Variants in KIAA1217 observed in about 807,000 individuals in gnomAD.
KIAA1217 encodes the protein KIAA1217.
A neutral mutation model predicts 163.9 loss-of-function variants in KIAA1217; 88 were observed. The ratio of observed to expected loss-of-function variants is 0.54; its 90% CI spans 0.45 to 0.64. The LOEUF is 0.64. KIAA1217 is among the 30% of genes least tolerant of loss of function. The pLI is 0.00. For synonymous variants in KIAA1217, 903 were observed against 923.1 expected, an observed-to-expected ratio of 0.98 and a Z score of 0.39; for missense variants, 2,372 against 2,475.0, an observed-to-expected ratio of 0.96 and a Z score of 0.88.
At chr10:23,740,087 A>G (rs118149031) in intron 1 of KIAA1217, among the ~76,000 whole-genome samples, 4,001 of 152,178 alleles carry the variant, frequency 0.026, 87 homozygotes, top group Admixed American at 0.075. Context: ...TGGAGCTGAC[A>G]TGTAGGAAAT....
At chr10:24,251,633 C>T (rs549083342) in intron 2 of KIAA1217, among the ~76,000 whole-genome samples, 2 of 152,164 alleles carry the variant, frequency 1.3e-5, no homozygotes, top group South Asian at 2.1e-4. Flanking sequence ...ATGGGGCTCC[C>T]CCTCTCCATC....
chr10:23,852,964 G>T (rs563536305), intron 1 of KIAA1217, among the ~76,000 whole-genome samples: 1 of 152,326 alleles, frequency 6.6e-6, no homozygotes, highest in East Asian at 1.9e-4. Context: ...TGCAAACAGG[G>T]TCAATTTGAC....
intron 2 of KIAA1217, among the ~76,000 whole-genome samples, chr10:24,120,908 A>G (rs765752572): frequency 6.6e-6 from 1 of 152,200 alleles, no homozygotes; most frequent in Non-Finnish European, 1.5e-5. Context: ...GACATCTAGC[A>G]AGTATTGACT....
chr10:23,846,424 GTTC>G (rs1839032103), intron 1 of KIAA1217, among the ~76,000 whole-genome samples: 1 of 152,058 alleles, frequency 6.6e-6, no homozygotes, highest in African/African-American at 2.4e-5. Flanking sequence ...GTGGTTTGTA[GTTC>G]TCCTTGAAGA....
At chr10:24,526,123 C>T (rs1207245511) in intron 13 of KIAA1217, among the ~76,000 whole-genome samples, 6 of 152,174 alleles carry the variant, frequency 3.9e-5, no homozygotes, top group Admixed American at 2.6e-4. Context: ...TTCCTCCACT[C>T]ATTTGCTTTA....
intron 1 of KIAA1217, among the ~76,000 whole-genome samples, chr10:23,970,143 T>A (rs1845253712): frequency 6.6e-6 from 1 of 152,198 alleles, no homozygotes; most frequent in Non-Finnish European, 1.5e-5. Context: ...CCAAACCATA[T>A]CACCAATTAA....
chr10:24,162,680 A>G (rs752332595), intron 2 of KIAA1217, among the ~76,000 whole-genome samples: 7 of 152,202 alleles, frequency 4.6e-5, no homozygotes, highest in Admixed American at 3.9e-4. Context: ...ATTATCTCAC[A>G]GTTTCTGGAT....
At chr10:24,545,741 C>T (rs1592860168) in intron 20 of KIAA1217, 86 bp from the exon 21 acceptor site, 1 of 1,521,096 alleles carries the variant, frequency 6.6e-7, no homozygotes, top group Non-Finnish European at 8.8e-7. Context: ...TTGAATTATT[C>T]TCAGAAGGGC....
chr10:23,866,891 C>T (rs990234744), intron 1 of KIAA1217, among the ~76,000 whole-genome samples: 2 of 151,576 alleles, frequency 1.3e-5, no homozygotes, highest in African/African-American at 2.4e-5. Context: ...GGTACATGTG[C>T]ACAATGTGCA....
chr10:24,019,040 G>T (rs1489420477), intron 2 of KIAA1217, among the ~76,000 whole-genome samples: 2 of 152,060 alleles, frequency 1.3e-5, no homozygotes, highest in South Asian at 4.1e-4. Flanking sequence ...GCTACCAGGG[G>T]CAGGGGTTGA....
chr10:24,066,068 CACACTGATGAGTCTTG>C (rs2060931457), intron 2 of KIAA1217, among the ~76,000 whole-genome samples: 2 of 152,188 alleles, frequency 1.3e-5, no homozygotes, highest in Admixed American at 6.5e-5. Flanking sequence ...CTGAATACAG[CACACTGATGAGTCTTG>C]ACTCTTTATC....
intron 1 of KIAA1217, among the ~76,000 whole-genome samples, chr10:24,006,185 G>C (rs150854040): frequency 6.6e-6 from 1 of 152,098 alleles, no homozygotes; most frequent in Admixed American, 6.5e-5. Context: ...AAGTATAATA[G>C]CATGAGTATT....
At chr10:23,964,721 A>G (rs1404444260) in intron 1 of KIAA1217, among the ~76,000 whole-genome samples, 2 of 151,816 alleles carry the variant, frequency 1.3e-5, no homozygotes, top group African/African-American at 4.8e-5. Context: ...ACGCCCAGCT[A>G]ATTTTTGTAT....
At chr10:24,545,204 G>T (rs540169354) in intron 20 of KIAA1217, 101 bp downstream of exon 20, 2 of 1,527,126 alleles carry the variant, frequency 1.3e-6, no homozygotes, top group African/African-American at 1.4e-5. Flanking sequence ...GTAAGATAAC[G>T]GTTTACATAG....
chr10:24,284,533 A>G (rs2078332337), intron 2 of KIAA1217, among the ~76,000 whole-genome samples: 1 of 152,198 alleles, frequency 6.6e-6, no homozygotes, highest in African/African-American at 2.4e-5. Flanking sequence ...AGCTGCATCC[A>G]TGTTGCTGCA....
chr10:24,082,612 A>G (rs1254052749), intron 2 of KIAA1217, among the ~76,000 whole-genome samples: 1 of 152,168 alleles, frequency 6.6e-6, no homozygotes, highest in East Asian at 1.9e-4. Flanking sequence ...TCTATGGTGT[A>G]TATGTACCAC....
chr10:24,301,252 T>G (rs990253031), intron 2 of KIAA1217, among the ~76,000 whole-genome samples: 1 of 152,300 alleles, frequency 6.6e-6, no homozygotes, highest in South Asian at 2.1e-4. Flanking sequence ...AGGTCATTAT[T>G]TTTGTATCAA....
At chr10:24,285,923 T>A (rs2078494575) in intron 2 of KIAA1217, among the ~76,000 whole-genome samples, 1 of 152,138 alleles carries the variant, frequency 6.6e-6, no homozygotes, top group East Asian at 1.9e-4. Flanking sequence ...CCTCTTTGGT[T>A]AGATATATTA....
At chr10:24,179,349 C>G (rs2066060811) in intron 2 of KIAA1217, among the ~76,000 whole-genome samples, 1 of 151,866 alleles carries the variant, frequency 6.6e-6, no homozygotes, top group South Asian at 2.1e-4. Context: ...CACCATCCCC[C>G]CAGTCCTGTC....
Sources: allele counts gnomAD v4.1 joint callset (sites outside exome capture counted in the v4.1 genomes callset), GRCh38; gene constraint gnomAD v4.1.1; transcripts MANE v1.5; gene names NCBI Gene and HGNC (gene_info 2026-07-23, HGNC 2026-07-21).